KIF16B: variants seen among roughly 807,000 people sequenced by gnomAD.
KIF16B encodes the protein kinesin-like protein KIF16B.
A neutral mutation model predicts 156.3 loss-of-function variants in KIF16B; 98 were observed. That is an observed-to-expected ratio of 0.63 (90% CI 0.53 to 0.74). The LOEUF is 0.74. Among genes scored for constraint, KIF16B ranks in the 30% least tolerant of loss-of-function variants. KIF16B has a pLI of 0.00. For synonymous variants in KIF16B, 564 were observed against 583.7 expected, an observed-to-expected ratio of 0.97 and a Z score of 0.49; for missense variants, 1,421 against 1,606.5, an observed-to-expected ratio of 0.88 and a Z score of 1.97.
intron 17 of KIF16B, among the ~76,000 whole-genome samples, chr20:16,399,578 G>A (rs1418098730): frequency 6.6e-6 from 1 of 152,168 alleles, no homozygotes. Flanking sequence ...CTTCCAAGTG[G>A]AGAAATATCA....
chr20:16,340,002 C>T (rs775090096), intron 23 of KIF16B, among the ~76,000 whole-genome samples: 17 of 152,096 alleles, frequency 1.1e-4, no homozygotes, highest in Non-Finnish European at 2.1e-4. Context: ...ATGAAGCATC[C>T]TCATAACATG....
chr20:16,368,266 C>A (rs61233356), intron 22 of KIF16B: 2 of 1,003,266 alleles, frequency 2.0e-6, no homozygotes, highest in East Asian at 2.0e-4. Flanking sequence ...TGGCGAGGAA[C>A]CTGGTAAACC....
chr20:16,277,874 T>C (rs11907241), intron 25 of KIF16B, among the ~76,000 whole-genome samples: 17,841 of 152,160 alleles, frequency 0.12, 1,149 homozygotes, highest in African/African-American at 0.15. Context: ...CGTATTTAAA[T>C]CTCTAGCACG....
chr20:16,503,371 T>C (rs1316151380), intron 10 of KIF16B, among the ~76,000 whole-genome samples: 3 of 152,158 alleles, frequency 2.0e-5, no homozygotes, highest in African/African-American at 7.2e-5. Flanking sequence ...TTAAGCACAA[T>C]GAACAATTCC....
At chr20:16,531,433 T>C (rs115646153) in intron 1 of KIF16B, among the ~76,000 whole-genome samples, 1,588 of 152,258 alleles carry the variant, frequency 0.01, 33 homozygotes, top group African/African-American at 0.036. Context: ...TTAATGGCTC[T>C]AGGGAGGGAC....
At chr20:16,441,119 T>C (rs772173294) in intron 12 of KIF16B, among the ~76,000 whole-genome samples, 1 of 152,188 alleles carries the variant, frequency 6.6e-6, no homozygotes, top group Non-Finnish European at 1.5e-5. Flanking sequence ...CAGAAGATTC[T>C]AAAAGGGCAT....
At chr20:16,352,973 CTCACTGTGT>C (rs906699205) in intron 23 of KIF16B, among the ~76,000 whole-genome samples, 1 of 152,216 alleles carries the variant, frequency 6.6e-6, no homozygotes, top group African/African-American at 2.4e-5. Context: ...GGCACAGCGT[CTCACTGTGT>C]GTACTCAGGA....
rs568790217 is a variant in KIF16B at position 16,377,469 on chromosome 20, AGCC to A, written c.3197+1333_3197+1335del. 1.7e-4 allele frequency among the ~76,000 whole-genome samples: 25 copies of A among 151,462 alleles called. No homozygotes were observed. In the South Asian group the frequency reaches 5.1e-3, roughly 31 times the overall value. On this transcript the variant is annotated intron_variant, in intron 19 of 25. Transcript: ENST00000354981. ...CATGGTAGTATGCACCTGGGGTCCC[AGCC>A]ACTTGGGTGGCTGGGGCAGGAGGAT...
rs543669418 is a variant in KIF16B at position 16,370,554 on chromosome 20, C to T, written c.3498+32G>A. ...CACATGAGCATGCCATAATTTAAGG[C>T]GACCCTATCAATCTGAAAAATCATT... is the stretch of plus-strand genomic sequence containing the variant. On this transcript the variant is annotated intron_variant, in intron 22 of 25. Coordinates refer to ENST00000354981, the MANE Select transcript of KIF16B (RefSeq NM_024704.5). 85 of 1,528,044 alleles carry T rather than the reference C, an allele frequency of 5.6e-5. 1 individual carries two copies. Among genetic ancestry groups the T allele is most frequent in the South Asian group, 2.6e-4 (21 of 80,030 alleles). The allele number at this position is 1,528,044 out of a possible 1,614,324, so 94.7% of individuals were successfully genotyped here.
intron 2 of KIF16B, among the ~76,000 whole-genome samples, chr20:16,528,139 C>CA (rs1221155046): frequency 1.3e-5 from 2 of 152,186 alleles, no homozygotes; most frequent in Non-Finnish European, 2.9e-5. Flanking sequence ...TGGACCAGAG[C>CA]AACAGCTTGG....
intron 12 of KIF16B, among the ~76,000 whole-genome samples, chr20:16,492,577 A>C (rs1461796273): frequency 6.6e-6 from 1 of 152,160 alleles, no homozygotes; most frequent in Non-Finnish European, 1.5e-5. Context: ...GGAGAATTTA[A>C]CTTCAGGACC....
intron 12 of KIF16B, among the ~76,000 whole-genome samples, chr20:16,493,893 A>G (rs576995853): frequency 1.9e-3 from 290 of 152,316 alleles, no homozygotes; most frequent in Admixed American, 4.0e-3. Context: ...AGCATATTCT[A>G]TAATATTGCC....
intron 22 of KIF16B, among the ~76,000 whole-genome samples, chr20:16,362,259 C>G (rs1465324575): frequency 6.6e-6 from 1 of 152,172 alleles, no homozygotes; most frequent in African/African-American, 2.4e-5. Flanking sequence ...AAATAAAAGG[C>G]AGGGATGCAC....
chr20:16,277,279 T>C (rs1461521745), intron 25 of KIF16B, among the ~76,000 whole-genome samples: 1 of 152,162 alleles, frequency 6.6e-6, no homozygotes, highest in African/African-American at 2.4e-5. Flanking sequence ...TAAGCGTTGG[T>C]CACCGCTTTG....
intron 22 of KIF16B, among the ~76,000 whole-genome samples, chr20:16,363,262 G>C (rs1362385241): frequency 2.0e-5 from 3 of 152,194 alleles, no homozygotes; most frequent in Admixed American, 2.0e-4. Context: ...TAGTGTAACA[G>C]TAAGAGCAGC....
At chr20:16,508,226 C>A in intron 6 of KIF16B, 126 bp from the exon 7 acceptor site, 1 of 1,071,944 alleles carries the variant, frequency 9.3e-7, no homozygotes, top group Non-Finnish European at 1.4e-6. Context: ...CCTCACTTGT[C>A]TCTCTAGGGT....
intron 17 of KIF16B, among the ~76,000 whole-genome samples, chr20:16,390,910 T>C (rs2065347570): frequency 6.6e-6 from 1 of 151,702 alleles, no homozygotes; most frequent in Non-Finnish European, 1.5e-5. Context: ...TGAAACAGAG[T>C]GAAAGAAAAC....
At chr20:16,369,903 T>C (rs1206329737) in intron 22 of KIF16B, among the ~76,000 whole-genome samples, 2 of 152,152 alleles carry the variant, frequency 1.3e-5, no homozygotes, top group Admixed American at 1.3e-4. Context: ...AGGAGGGAAA[T>C]GGCTATCCAG....
chr20:16,462,625 G>A (rs940552005), intron 12 of KIF16B, among the ~76,000 whole-genome samples: 1 of 152,102 alleles, frequency 6.6e-6, no homozygotes, highest in Non-Finnish European at 1.5e-5. Flanking sequence ...CGAACAGGAG[G>A]AACTGATACA....
Sources: gnomAD v4.1 joint callset for allele counts (sites outside exome capture counted in the v4.1 genomes callset) on GRCh38, gnomAD v4.1.1 for gene constraint, MANE v1.5 for transcripts, NCBI Gene and HGNC (gene_info 2026-07-23, HGNC 2026-07-21) for gene names.